RTN4IP1: variants seen among roughly 807,000 people sequenced by gnomAD.
RTN4IP1 encodes the protein NAD(P)H oxidoreductase RTN4IP1, mitochondrial.
Under a neutral mutation model 46.6 loss-of-function variants are expected in RTN4IP1, and 32 were observed. The observed-to-expected ratio is 0.69, with a 90% CI of 0.52 to 0.92. The LOEUF (loss-of-function observed/expected upper bound fraction) is 0.92, where lower values mean the gene tolerates loss of function less well. RTN4IP1 is among the 40% of genes least tolerant of loss of function. The probability of loss-of-function intolerance (pLI) is 0.00; values close to 1 mark genes in which losing one functional copy is unlikely to be tolerated. For missense variants in RTN4IP1, 424 were observed against 485.8 expected (o/e 0.87, Z 1.20); for synonymous variants, 167 against 161.8 (o/e 1.03, Z -0.24).
intron 4 of RTN4IP1, among the ~76,000 whole-genome samples, chr6:106,614,959 A>AC (rs1056785373): frequency 1.0e-4 from 8 of 77,450 alleles, no homozygotes; most frequent in Non-Finnish European, 1.4e-4. Context: ...CACAGCCCCC[A>AC]CCCCCCCACC....
chr6:106,608,185 A>T (rs1041475487), intron 4 of RTN4IP1, among the ~76,000 whole-genome samples: 2 of 152,222 alleles, frequency 1.3e-5, no homozygotes, highest in African/African-American at 4.8e-5. Flanking sequence ...CATTTGTGGC[A>T]ACAGGGATGA....
chr6:106,585,899 C>T (rs1025993185), intron 7 of RTN4IP1, among the ~76,000 whole-genome samples: 2 of 152,160 alleles, frequency 1.3e-5, no homozygotes, highest in Non-Finnish European at 2.9e-5. Context: ...AAAACTTAAA[C>T]TTACATTTTA....
In RTN4IP1 at chr6:106,571,115, A is replaced by G. The variant is rs1241656907; in HGVS notation, c.*881T>C. 6.6e-6 allele frequency: 1 copy of G among 152,248 alleles called. No homozygotes were observed. The highest frequency in any genetic ancestry group is 1.5e-5 in the Non-Finnish European group (1 of 68,040). The allele number at this position is 152,248 out of a possible 1,614,324, so 9.4% of individuals were successfully genotyped here. A position where few individuals can be genotyped will look rare whatever the true frequency, so the allele number is the denominator to read the frequency against. ...TCAGAGAAGCATGTTTCAATTGCCG[A>G]AACAGGCCTAATCCTTATGCAAGAT... is the stretch of plus-strand genomic sequence containing the variant. On this transcript the variant is annotated 3_prime_UTR_variant, in exon 9 of 9. Coordinates refer to ENST00000369063, the MANE Select transcript of RTN4IP1 (RefSeq NM_032730.5).
chr6:106,592,318 G>GAAAAAAAGAAT lies in RTN4IP1; in HGVS notation c.670-29_670-19dup. The GAAAAAAAGAAT allele has an allele frequency of 6.3e-7, 1 of 1,576,988 alleles. No individual in the cohort carries two copies. The highest frequency in any genetic ancestry group is 1.2e-5 in the South Asian group (1 of 84,834). Reference sequence around the variant, plus strand: ...TTCATTACCTGCCCCCCACCAAAAAGAAAAAAAGAATAAAAAAGGGAGAGA... The same window carrying GAAAAAAAGAAT: ...TTCATTACCTGCCCCCCACCAAAAAGAAAAAAAGAATAAAAAAAGAATAAAAAAGGGAGAGA... On this transcript the variant is annotated intron_variant, in intron 5 of 8. Coordinates refer to ENST00000369063, the MANE Select transcript of RTN4IP1 (RefSeq NM_032730.5).
At chr6:106,587,226 G>C (rs1248363031) in intron 7 of RTN4IP1, among the ~76,000 whole-genome samples, 1 of 152,194 alleles carries the variant, frequency 6.6e-6, no homozygotes, top group Non-Finnish European at 1.5e-5. Flanking sequence ...TTATATACAA[G>C]AGACTTTAAG....
At position 106,629,412 on chromosome 6, in the gene RTN4IP1, G is replaced by A. The variant is rs1216883107; in HGVS notation, c.-391C>T. Reference sequence around the variant, plus strand: ...ACACCGCTCGCGATCCAACGCCAGAGAATCGAACGCTTGCCGACTGCCGCC... The same window carrying A: ...ACACCGCTCGCGATCCAACGCCAGAAAATCGAACGCTTGCCGACTGCCGCC... On this transcript the variant is annotated 5_prime_UTR_variant, in exon 1 of 9. Coordinates refer to ENST00000369063, the MANE Select transcript of RTN4IP1 (RefSeq NM_032730.5). The A allele has an allele frequency of 8.6e-6, 5 of 579,484 alleles. No individual in the cohort carries two copies. The highest frequency in any genetic ancestry group is 5.6e-5 in the African/African-American group (3 of 53,202). The allele number at this position is 579,484 out of a possible 1,614,324, so 35.9% of individuals were successfully genotyped here. A position where few individuals can be genotyped will look rare whatever the true frequency, so the allele number is the denominator to read the frequency against.
intron 5 of RTN4IP1, among the ~76,000 whole-genome samples, chr6:106,596,651 T>A (rs1775800509): frequency 6.6e-6 from 1 of 152,220 alleles, no homozygotes; most frequent in Non-Finnish European, 1.5e-5. Flanking sequence ...CACTCTCTCC[T>A]TCTAAGCCCT....
At chr6:106,608,385 A>G (rs1169195553) in intron 4 of RTN4IP1, among the ~76,000 whole-genome samples, 1 of 152,208 alleles carries the variant, frequency 6.6e-6, no homozygotes, top group African/African-American at 2.4e-5. Flanking sequence ...ACAAAATTAC[A>G]GCTAGATAGG....
chr6:106,582,773 C>A (rs1054666096), intron 8 of RTN4IP1, among the ~76,000 whole-genome samples: 1 of 152,116 alleles, frequency 6.6e-6, no homozygotes, highest in Non-Finnish European at 1.5e-5. Flanking sequence ...ATCCAAAAAA[C>A]GATGACCAGA....
intron 4 of RTN4IP1, among the ~76,000 whole-genome samples, chr6:106,616,772 G>C (rs1776367066): frequency 6.6e-6 from 1 of 152,196 alleles, no homozygotes; most frequent in Non-Finnish European, 1.5e-5. Context: ...TCTCTCATGT[G>C]ACTCTCACAA....
intron 3 of RTN4IP1, among the ~76,000 whole-genome samples, chr6:106,620,541 G>T (rs1391007592): frequency 2.0e-5 from 3 of 152,022 alleles, no homozygotes; most frequent in African/African-American, 7.3e-5. Flanking sequence ...ATTGTTCAGG[G>T]GTCAACTGTA....
chr6:106,603,732 C>T (rs1775998700), intron 4 of RTN4IP1, among the ~76,000 whole-genome samples: 1 of 152,162 alleles, frequency 6.6e-6, no homozygotes, highest in South Asian at 2.1e-4. Context: ...AAGAGAATCA[C>T]CAGTCAAAAA....
intron 8 of RTN4IP1, chr6:106,572,355 T>C: frequency 2.0e-6 from 1 of 491,812 alleles, no homozygotes; most frequent in Non-Finnish European, 3.7e-6. Flanking sequence ...GGTCTTTCAC[T>C]CTCCTACTTA....
rs1775785676 is a variant in RTN4IP1 at position 106,596,180 on chromosome 6, T to A, written c.670-3880A>T. Among the ~76,000 whole-genome samples the A allele has an allele frequency of 3.6e-5, 5 of 138,120 alleles. No homozygotes were observed. In the South Asian group the frequency reaches 1.3e-3, roughly 37 times the overall value. The allele number at this position is 138,120 out of a possible 152,430, so 90.6% of individuals were successfully genotyped here. A position where few individuals can be genotyped will look rare whatever the true frequency, so the allele number is the denominator to read the frequency against. ...CCAGGTTAATTCTTTATATTTGTGC[T>A]CTAGATCTGAAATCAGCTACTTCTC... On this transcript the variant is annotated intron_variant, in intron 5 of 8. Transcript: ENST00000369063.
chr6:106,607,209 T>G (rs1582376780), intron 4 of RTN4IP1, among the ~76,000 whole-genome samples: 1 of 151,398 alleles, frequency 6.6e-6, no homozygotes, highest in Non-Finnish European at 1.5e-5. Context: ...TGCAGAAAAA[T>G]GGAAACTAGA....
intron 8 of RTN4IP1, among the ~76,000 whole-genome samples, 175 bp downstream of exon 8, chr6:106,583,153 C>T (rs1019511631): frequency 5.9e-5 from 9 of 152,194 alleles, no homozygotes; most frequent in Non-Finnish European, 1.3e-4. Flanking sequence ...GTCTATGCCT[C>T]CCATGGAGAC....
chr6:106,590,399 T>G (rs1775623687), intron 6 of RTN4IP1, among the ~76,000 whole-genome samples: 1 of 151,840 alleles, frequency 6.6e-6, no homozygotes, highest in African/African-American at 2.4e-5. Flanking sequence ...CAGTATCATG[T>G]TGCTATTCCT....
At chr6:106,596,022 A>G (rs141087477) in intron 5 of RTN4IP1, among the ~76,000 whole-genome samples, 267 of 114,402 alleles carry the variant, frequency 2.3e-3, no homozygotes, top group African/African-American at 6.9e-3. Flanking sequence ...AAAAGGTTTC[A>G]ACCCATTGTA....
At chr6:106,620,024 A>C (rs1380615992) in intron 3 of RTN4IP1, among the ~76,000 whole-genome samples, 2 of 152,186 alleles carry the variant, frequency 1.3e-5, no homozygotes, top group Admixed American at 1.3e-4. Context: ...TATAATATAC[A>C]TAACATATTC....
Sources: gnomAD v4.1 joint callset for allele counts (sites outside exome capture counted in the v4.1 genomes callset) on GRCh38, gnomAD v4.1.1 for gene constraint, MANE v1.5 for transcripts, NCBI Gene and HGNC (gene_info 2026-07-23, HGNC 2026-07-21) for gene names.